The following FLT1 variants were observed in gnomAD, a reference collection of about 807,000 sequenced individuals.
The protein encoded by FLT1 is vascular endothelial growth factor receptor 1.
A neutral mutation model predicts 156.3 loss-of-function variants in FLT1; 49 were observed. The ratio of observed to expected loss-of-function variants is 0.31; its 90% confidence interval spans 0.25 to 0.40. FLT1 has a LOEUF of 0.40. FLT1 is among the 10% of genes least tolerant of loss of function. FLT1 has a pLI of 1.00. For missense variants in FLT1, 1,322 were observed against 1,637.2 expected (o/e 0.81, Z 3.32); for synonymous variants, 594 against 583.8 (o/e 1.02, Z -0.25).
rs1871484689 is a variant in FLT1, at chr13:28,322,084, T to C, written c.3051+178A>G. On this transcript the variant is annotated intron_variant, in intron 22 of 29. Transcript: ENST00000282397. The surrounding 1 kb of genome is among the most constrained non-coding windows in gnomAD (Gnocchi z 4.3). ...CCCAGAATTAAGTTCTATCCACTGG[T>C]ATCCATGACTCCTCATTCTCAAAAC... Among the ~76,000 whole-genome samples the C allele has an allele frequency of 6.6e-6, 1 of 152,234 alleles. No individual in the cohort carries two copies. Among genetic ancestry groups the C allele is most frequent in the African/African-American group, 2.4e-5 (1 of 41,456 alleles).
intron 13 of FLT1, chr13:28,389,013 G>A: frequency 9.4e-7 from 1 of 1,065,070 alleles, no homozygotes. Context: ...TGAGAGGAGG[G>A]AGGGGACGTT....
chr13:28,308,465 GC>G, intron 28 of FLT1: 1 of 326,316 alleles, frequency 3.1e-6, no homozygotes, highest in Non-Finnish European at 5.9e-6. Flanking sequence ...CAGCCTCAAG[GC>G]TGCTTGCAGG....
intron 16 of FLT1, among the ~76,000 whole-genome samples, chr13:28,340,389 C>A (rs115813028): frequency 0.012 from 1,800 of 152,134 alleles, 40 homozygotes; most frequent in African/African-American, 0.041. Context: ...CCAGAAAATA[C>A]CCTTCATTTC....
intron 28 of FLT1, among the ~76,000 whole-genome samples, chr13:28,308,008 G>A (rs530226367): frequency 4.6e-5 from 7 of 152,254 alleles, no homozygotes; most frequent in South Asian, 4.1e-4. Context: ...TCCTGACCTC[G>A]TGATCCGCCT....
At position 28,389,696 on chromosome 13, in the gene FLT1, G is replaced by A. The variant is rs751951309; in HGVS notation, c.1969+100C>T. On this transcript the variant is annotated intron_variant, in intron 13 of 29. Transcript: ENST00000282397. The stretch of plus-strand genomic sequence containing the variant: ...TGAGACAACTGTTACTTTTTAATGA[G>A]TCCTTTAATGTTTTACATTACTTTG... The A allele has an allele frequency of 6.3e-6, 10 of 1,590,142 alleles. No individual in the cohort carries two copies. In the East Asian group the frequency reaches 1.8e-4, roughly 29 times the overall value.
chr13:28,314,227 G>A (rs1566280914), intron 25 of FLT1, among the ~76,000 whole-genome samples: 1 of 152,148 alleles, frequency 6.6e-6, no homozygotes, highest in Non-Finnish European at 1.5e-5. Context: ...CTGTCTGGGA[G>A]ATGCACCATC....
intron 1 of FLT1, among the ~76,000 whole-genome samples, chr13:28,473,590 A>G (rs1342443125): frequency 6.6e-6 from 1 of 151,546 alleles, no homozygotes; most frequent in East Asian, 1.9e-4. Context: ...GATTGCAGTG[A>G]GCCAAGACTG....
At chr13:28,376,039 A>T (rs1469024355) in intron 14 of FLT1, among the ~76,000 whole-genome samples, 1 of 152,204 alleles carries the variant, frequency 6.6e-6, no homozygotes, top group Non-Finnish European at 1.5e-5. Flanking sequence ...ATCCCTGGGT[A>T]TTAACAGCCT....
chr13:28,472,858 A>G (rs900215740), intron 1 of FLT1, among the ~76,000 whole-genome samples: 1 of 152,202 alleles, frequency 6.6e-6, no homozygotes, highest in Non-Finnish European at 1.5e-5. Context: ...GTAATTGATA[A>G]CAATGTATAA....
chr13:28,484,008 G>C (rs141853372), intron 1 of FLT1, among the ~76,000 whole-genome samples: 140 of 152,324 alleles, frequency 9.2e-4, no homozygotes, highest in Non-Finnish European at 1.4e-3. Context: ...CAAGTCAGCA[G>C]GGTTTCCTCA....
At chr13:28,320,225 G>A (rs1156671241) in intron 23 of FLT1, among the ~76,000 whole-genome samples, 5 of 152,254 alleles carry the variant, frequency 3.3e-5, no homozygotes, top group South Asian at 2.1e-4. Flanking sequence ...AGATACAGAC[G>A]AACAGAAAGG....
chr13:28,409,482 G>A (rs1161584221), intron 10 of FLT1, among the ~76,000 whole-genome samples: 1 of 151,828 alleles, frequency 6.6e-6, no homozygotes, highest in Non-Finnish European at 1.5e-5. Flanking sequence ...CTACATGTGT[G>A]TGCCATCATG....
chr13:28,345,401 G>T (rs2138858943), intron 16 of FLT1, 44 bp downstream of exon 16: 1 of 1,246,604 alleles, frequency 8.0e-7, no homozygotes, highest in Non-Finnish European at 1.2e-6. Context: ...GGGCTTTTTA[G>T]AATATATGTA....
At chr13:28,333,994 T>C (rs750790015) in intron 18 of FLT1, 31 bp downstream of exon 18, 3 of 1,309,222 alleles carry the variant, frequency 2.3e-6, no homozygotes, top group Non-Finnish European at 3.3e-6. Flanking sequence ...TGGTGATGGG[T>C]CAGTTGAAAG....
chr13:28,462,165 T>A (rs966693470), intron 3 of FLT1, among the ~76,000 whole-genome samples: 1 of 152,088 alleles, frequency 6.6e-6, no homozygotes, highest in Non-Finnish European at 1.5e-5. Flanking sequence ...AAGTTTAAGG[T>A]CTTGCTAACT....
rs1196416856 is a variant in FLT1, at chr13:28,302,827, A to C, written c.*340T>G. The stretch of plus-strand genomic sequence containing the variant: ...GCTGGCCCAGTGGGGTACGTGATGC[A>C]TTGGGTGATCAGTGCAGCTCCTCAA... On this transcript the variant is annotated 3_prime_UTR_variant, in exon 30 of 30. Coordinates refer to ENST00000282397, the MANE Select transcript of FLT1 (RefSeq NM_002019.4). The C allele has an allele frequency of 8.5e-6, 3 of 353,562 alleles. No individual in the cohort carries two copies. Among genetic ancestry groups the C allele is most frequent in the Non-Finnish European group, 1.6e-5 (3 of 191,214 alleles). The allele number at this position is 353,562 out of a possible 1,614,324, so 21.9% of individuals were successfully genotyped here.
At chr13:28,424,555 A>G (rs769971882) in intron 10 of FLT1, among the ~76,000 whole-genome samples, 1 of 152,214 alleles carries the variant, frequency 6.6e-6, no homozygotes, top group Non-Finnish European at 1.5e-5. Context: ...AATTTGAGTT[A>G]GGTCTGAACC....
intron 1 of FLT1, 88 bp downstream of exon 1, chr13:28,494,692 C>T: frequency 2.0e-6 from 2 of 1,021,840 alleles, no homozygotes; most frequent in Non-Finnish European, 2.9e-6. Flanking sequence ...CGTCTCCCCG[C>T]GTGCACCCCG....
intron 8 of FLT1, among the ~76,000 whole-genome samples, chr13:28,429,433 T>C (rs752947065): frequency 1.3e-5 from 2 of 152,230 alleles, no homozygotes; most frequent in Non-Finnish European, 2.9e-5. Context: ...TTGCAGATCA[T>C]AAACAGATTA....
Sources: allele counts gnomAD v4.1 joint callset (sites outside exome capture counted in the v4.1 genomes callset), GRCh38; gene constraint gnomAD v4.1.1; non-coding constraint Gnocchi (gnomAD v3.1); transcripts MANE v1.5; gene names NCBI Gene and HGNC (gene_info 2026-07-23, HGNC 2026-07-21).